Variants in LIPH observed in about 807,000 individuals in gnomAD.
LIPH encodes lipase H, also known as lipase member H.
A neutral mutation model predicts 47.6 loss-of-function variants in LIPH; 32 were observed. That is an observed-to-expected ratio of 0.67 (90% CI 0.51 to 0.90). LIPH has a LOEUF of 0.90. Ranked by LOEUF, LIPH falls within the 40% of genes least tolerant of loss-of-function variation. The pLI is 0.00. For missense variants in LIPH, 497 were observed against 541.4 expected (o/e 0.92, Z 0.81); for synonymous variants, 190 against 195.6 (o/e 0.97, Z 0.24).
At chr3:185,512,188 C>G (rs182395863) in intron 8 of LIPH, among the ~76,000 whole-genome samples, 6 of 152,106 alleles carry the variant, frequency 3.9e-5, no homozygotes, top group Non-Finnish European at 7.3e-5. Context: ...ATGATCTTTC[C>G]GTTAAACTGC....
chr3:185,529,176 CA>C (rs1173804674), intron 3 of LIPH, among the ~76,000 whole-genome samples: 24 of 54,446 alleles, frequency 4.4e-4, no homozygotes, highest in Non-Finnish European at 6.5e-4. Context: ...GACTCCGTCT[CA>C]AAAAAAAAAA....
intron 1 of LIPH, among the ~76,000 whole-genome samples, chr3:185,539,456 G>GC (rs112739242): frequency 1.1e-4 from 17 of 150,934 alleles, no homozygotes; most frequent in South Asian, 2.1e-4. Context: ...TGCAACATCG[G>GC]CCCCCCCGGG....
At chr3:185,540,399 T>A (rs1052895912) in intron 1 of LIPH, among the ~76,000 whole-genome samples, 3 of 152,182 alleles carry the variant, frequency 2.0e-5, no homozygotes, top group Non-Finnish European at 1.5e-5. Context: ...TTAATTCTTC[T>A]GGTAAACACC....
intron 1 of LIPH, among the ~76,000 whole-genome samples, chr3:185,550,448 A>AT (rs1246664568): frequency 2.0e-5 from 3 of 152,156 alleles, no homozygotes; most frequent in Middle Eastern, 3.2e-3. Context: ...TTAAGTTGCC[A>AT]TTTTTTTCAA....
intron 6 of LIPH, among the ~76,000 whole-genome samples, chr3:185,517,974 T>G (rs1393930133): frequency 6.6e-6 from 1 of 152,194 alleles, no homozygotes; most frequent in Non-Finnish European, 1.5e-5. Flanking sequence ...CTGCTGTACG[T>G]GCACACAAGA....
At position 185,506,758 on chromosome 3, in the gene LIPH, G is replaced by GGAGGCA. The variant is rs1420180691; in HGVS notation, c.*2026_*2031dup. 6.8e-6 allele frequency: 1 copy of GGAGGCA among 147,558 alleles called. No homozygotes were observed. The highest frequency in any genetic ancestry group is 1.5e-5 in the Non-Finnish European group (1 of 67,286). 9.1% of individuals were successfully genotyped at this position (147,558 alleles called of 1,614,324 possible). Reference sequence around the variant, plus strand: ...TGAGGCAGAGAATTGCTTGAACCCGGGAGGCAGAGGTTGCAGTGAGCCAAG... The same window carrying GGAGGCA: ...TGAGGCAGAGAATTGCTTGAACCCGGGAGGCAGAGGCAGAGGTTGCAGTGAGCCAAG... On this transcript the variant is annotated 3_prime_UTR_variant, in exon 10 of 10. Coordinates refer to ENST00000296252, the MANE Select transcript of LIPH (RefSeq NM_139248.3).
At chr3:185,532,207 T>C (rs1720351994) in intron 3 of LIPH, among the ~76,000 whole-genome samples, 2 of 152,124 alleles carry the variant, frequency 1.3e-5, no homozygotes, top group African/African-American at 4.8e-5. Flanking sequence ...AAGGAAGTGC[T>C]GTCCAACAGA....
At chr3:185,544,654 C>A (rs1025285649) in intron 1 of LIPH, among the ~76,000 whole-genome samples, 3 of 152,132 alleles carry the variant, frequency 2.0e-5, no homozygotes, top group Admixed American at 6.6e-5. Context: ...TGAGCCTGGG[C>A]GAGAATTTTC....
At position 185,508,809 on chromosome 3, in the gene LIPH, C is replaced by G. The variant is rs779862632; in HGVS notation, c.1337G>C (p.Cys446Ser). 3 of 1,613,356 alleles carry G rather than the reference C, an allele frequency of 1.9e-6. No homozygotes were observed. Among genetic ancestry groups the G allele is most frequent in the Admixed American group, 1.7e-5 (1 of 59,982 alleles). The change falls in exon 10 of 10, where the codon TGC (cysteine) becomes TCC (serine). Residue 446 changes from cysteine to serine, a missense_variant. Cys to Ser is a moderately radical substitution (Grantham distance 112). Coordinates refer to ENST00000296252, the MANE Select transcript of LIPH (RefSeq NM_139248.3). ...CAACAGTTACAACTGCAACTCTGGG[C>G]AAAGAATAGGTTGGAAGACTGTTTC... is the stretch of plus-strand genomic sequence containing the variant. ...NVETVFQPIL[C>S]PELQL
At chr3:185,524,949 T>C (rs1720023153) in intron 4 of LIPH, among the ~76,000 whole-genome samples, 1 of 152,120 alleles carries the variant, frequency 6.6e-6, no homozygotes, top group African/African-American at 2.4e-5. Context: ...AATGTATATA[T>C]AGGTCGGGTG....
chr3:185,533,615 C>T lies in LIPH; in HGVS notation c.482G>A (p.Gly161Glu). The T allele has an allele frequency of 1.9e-6, 3 of 1,613,956 alleles. No homozygotes were observed. Residue 161 changes from glycine to glutamate, a missense_variant, in exon 3 of 10, where the codon GGG becomes GAG. Transcript: ENST00000296252. ...TCCATCGTACATCTCTCCAACAAAC[C>T]CAGATATGTGGGCTCCTAGACTTAC... ...IGVSLGAHIS[G>E]FVGEMYDGWL...
chr3:185,540,097 A>G (rs1350782295), intron 1 of LIPH, among the ~76,000 whole-genome samples: 1 of 152,204 alleles, frequency 6.6e-6, no homozygotes, highest in Non-Finnish European at 1.5e-5. Flanking sequence ...CTCAGGTGCC[A>G]AACTGCCTGC....
chr3:185,548,899 C>T (rs541678871), intron 1 of LIPH, among the ~76,000 whole-genome samples: 151 of 151,868 alleles, frequency 9.9e-4, no homozygotes, highest in African/African-American at 3.5e-3. Flanking sequence ...TTTGGGAGGC[C>T]GAGGCAGGGG....
At chr3:185,532,759 C>T (rs1352835896) in intron 3 of LIPH, among the ~76,000 whole-genome samples, 1 of 151,984 alleles carries the variant, frequency 6.6e-6, no homozygotes, top group Non-Finnish European at 1.5e-5. Context: ...CACTGCACTC[C>T]AGCCTGGGTG....
At position 185,534,995 on chromosome 3, in the gene LIPH, C is replaced by G. The variant is rs775405373; in HGVS notation, c.187G>C (p.Gly63Arg). Residue 63 changes from glycine to arginine, a missense_variant, in exon 2 of 10, where the codon GGG becomes CGG. Gly to Arg is a moderately radical substitution (Grantham distance 125, BLOSUM62 -2). Transcript: ENST00000296252. ...CAQTINSSAF[G>R]NLNVTKKTTF... Reference sequence around the variant, plus strand: ...GTTTTCTTGGTCACATTCAAGTTCCCAAAAGCTGAGGAGTTGATGGTTTGT... The same window carrying G: ...GTTTTCTTGGTCACATTCAAGTTCCGAAAAGCTGAGGAGTTGATGGTTTGT... 6.2e-7 allele frequency: 1 copy of G among 1,613,824 alleles called. No homozygotes were observed. Among genetic ancestry groups the G allele is most frequent in the Non-Finnish European group, 8.5e-7 (1 of 1,179,880 alleles).
chr3:185,508,630 G>C lies in LIPH; in HGVS notation c.*160C>G. Reference sequence around the variant, plus strand: ...CCCAGGATCGTTTTATAATCACAAGGTTGTTTGATGTACAATGTGACATCC... The same window carrying C: ...CCCAGGATCGTTTTATAATCACAAGCTTGTTTGATGTACAATGTGACATCC... On this transcript the variant is annotated 3_prime_UTR_variant, in exon 10 of 10. Transcript: ENST00000296252. 1 of 661,918 alleles carries C rather than the reference G, an allele frequency of 1.5e-6. No homozygotes were observed. The highest frequency in any genetic ancestry group is 2.7e-6 in the Non-Finnish European group (1 of 365,102). 41.0% of individuals were successfully genotyped at this position (661,918 alleles called of 1,614,324 possible).
rs953374430 is a variant in LIPH at position 185,506,436 on chromosome 3, G to T, written c.*2354C>A. ...GACCCACGAGCCTAGAGTTTACAAA[G>T]TAGTAGAAATTCTATTTCTGGCATT... On this transcript the variant is annotated 3_prime_UTR_variant, in exon 10 of 10. Coordinates refer to ENST00000296252, the MANE Select transcript of LIPH (RefSeq NM_139248.3). The T allele has an allele frequency of 9.9e-5, 15 of 152,202 alleles. No homozygotes were observed. Among genetic ancestry groups the T allele is most frequent in the African/African-American group, 3.6e-4 (15 of 41,452 alleles). 9.4% of individuals were successfully genotyped at this position (152,202 alleles called of 1,614,324 possible).
At chr3:185,517,238 A>G in intron 6 of LIPH, 76 bp from the exon 7 acceptor site, 1 of 829,270 alleles carries the variant, frequency 1.2e-6, no homozygotes, top group Non-Finnish European at 2.1e-6. Context: ...TAGCAAGAAC[A>G]TTGAGTTTGA....
intron 4 of LIPH, among the ~76,000 whole-genome samples, chr3:185,525,104 A>T (rs962682137): frequency 2.6e-5 from 4 of 151,934 alleles, no homozygotes; most frequent in Admixed American, 6.6e-5. Flanking sequence ...AGTCCCAGCT[A>T]CTCAAGGGGT....
Sources: allele counts gnomAD v4.1 joint callset (sites outside exome capture counted in the v4.1 genomes callset), GRCh38; gene constraint gnomAD v4.1.1; transcripts MANE v1.5; gene names NCBI Gene and HGNC (gene_info 2026-07-23, HGNC 2026-07-21).